Variants in LY75 observed in about 807,000 individuals in gnomAD.
LY75 encodes the protein C-type lectin domain family 13 member B.
Under a neutral mutation model 231.7 loss-of-function variants are expected in LY75, and 185 were observed. That is an observed-to-expected ratio of 0.80 (90% CI 0.71 to 0.90). The LOEUF (loss-of-function observed/expected upper bound fraction) is 0.90. LY75 is among the 40% of genes least tolerant of loss of function. The pLI, the probability that LY75 is intolerant of heterozygous loss-of-function variation, is 0.00. For synonymous variants in LY75, 668 were observed against 689.0 expected, an observed-to-expected ratio of 0.97 and a Z score of 0.48; for missense variants, 1,947 against 2,050.2, an observed-to-expected ratio of 0.95 and a Z score of 0.97.
At chr2:159,817,984 G>C (rs1683174045) in intron 29 of LY75, among the ~76,000 whole-genome samples, 1 of 152,154 alleles carries the variant, frequency 6.6e-6, no homozygotes, top group Admixed American at 6.5e-5. Context: ...AGGAGGCAGA[G>C]GTTGCAGTGA....
chr2:159,841,024 T>G (rs2125847211), intron 24 of LY75, 69 bp from the exon 25 acceptor site: 1 of 1,575,440 alleles, frequency 6.3e-7, no homozygotes, highest in Middle Eastern at 2.1e-4. Flanking sequence ...GGGACATTTT[T>G]TTCACATTTC....
At chr2:159,827,944 C>G in intron 28 of LY75, among the ~76,000 whole-genome samples, 1 of 151,926 alleles carries the variant, frequency 6.6e-6, no homozygotes, top group East Asian at 1.9e-4. Flanking sequence ...ACATCACACA[C>G]TGGGCCTGTC....
intron 28 of LY75, among the ~76,000 whole-genome samples, chr2:159,830,648 G>A (rs1425262194): frequency 7.0e-6 from 1 of 143,276 alleles, no homozygotes; most frequent in African/African-American, 2.5e-5. Flanking sequence ...GGAGTGCAGT[G>A]GCACCATCTT....
In LY75 at chr2:159,835,596, C is replaced by T. The variant is rs374255543; in HGVS notation, c.3557G>A (p.Arg1186His). 120 of 1,613,480 alleles carry T rather than the reference C, an allele frequency of 7.4e-5. No individual in the cohort carries two copies. The highest frequency in any genetic ancestry group is 1.0e-4 in the Admixed American group (6 of 59,920). ...GAGTTGCCCATTAGTTTCAGCCCAG[C>T]GACTAAAATGAAGACGTTTCCCATC... ...WSDGKRLHFSRWAETNGQLED... is the reference protein window; with the variant it reads ...WSDGKRLHFSHWAETNGQLED... The change falls in exon 26 of 35, where the codon CGC (arginine) becomes CAC (histidine). Residue 1186 changes from arginine to histidine, a missense_variant. Transcript: ENST00000263636.
intron 28 of LY75, among the ~76,000 whole-genome samples, chr2:159,824,187 C>T (rs928552838): frequency 4.6e-5 from 7 of 152,146 alleles, no homozygotes; most frequent in African/African-American, 1.7e-4. Flanking sequence ...CATCAATGTG[C>T]TGTTCAGATG....
At chr2:159,854,778 T>C in intron 17 of LY75, 126 bp downstream of exon 17, 1 of 1,408,982 alleles carries the variant, frequency 7.1e-7, no homozygotes, top group Non-Finnish European at 9.7e-7. Context: ...CTCACCTTCC[T>C]TGCCTGGAGA....
intron 4 of LY75, among the ~76,000 whole-genome samples, chr2:159,887,566 C>CAAAAAAAA (rs369452762): frequency 1.4e-3 from 144 of 103,750 alleles, no homozygotes; most frequent in South Asian, 3.3e-3. Flanking sequence ...TCAACAACAA[C>CAAAAAAAA]AAAAAAAAAA....
intron 21 of LY75, 128 bp from the exon 22 acceptor site, chr2:159,850,595 G>C: frequency 3.5e-6 from 4 of 1,146,498 alleles, no homozygotes; most frequent in Non-Finnish European, 4.8e-6. Context: ...TTGCAATGTA[G>C]TACCATAAGA....
At chr2:159,840,325 C>G (rs565352593) in intron 25 of LY75, among the ~76,000 whole-genome samples, 1 of 152,072 alleles carries the variant, frequency 6.6e-6, no homozygotes, top group Non-Finnish European at 1.5e-5. Context: ...AATCCCAGCA[C>G]CTTTGGGAGG....
rs114712307 is a variant in LY75, at chr2:159,891,280, G to A, written c.638-903C>T. Reference sequence around the variant, plus strand: ...TTTAACAGACAGGAACAAAGACCTAGAGGTGACTGTGACAGAGCTATAATG... The same window carrying A: ...TTTAACAGACAGGAACAAAGACCTAAAGGTGACTGTGACAGAGCTATAATG... On this transcript the variant is annotated intron_variant, in intron 3 of 34. Transcript: ENST00000263636. 6.9e-3 allele frequency among the ~76,000 whole-genome samples: 1,044 copies of A among 152,312 alleles called. 9 individuals carry two copies. Among genetic ancestry groups the A allele is most frequent in the Non-Finnish European group, 0.012 (785 of 68,020 alleles).
At chr2:159,828,743 T>G (rs1683556816) in intron 28 of LY75, among the ~76,000 whole-genome samples, 1 of 152,224 alleles carries the variant, frequency 6.6e-6, no homozygotes. Context: ...TTGTTTTACC[T>G]AAATGTCCAT....
rs546658912 is a variant in LY75, at chr2:159,855,020, C to T, written c.2384-81G>A. The T allele has an allele frequency of 1.1e-4, 178 of 1,562,048 alleles. 2 individuals carry two copies. In the East Asian group the frequency reaches 2.4e-3, roughly 21 times the overall value. On this transcript the variant is annotated intron_variant, in intron 16 of 34. Coordinates refer to ENST00000263636, the MANE Select transcript of LY75 (RefSeq NM_002349.4). ...TATAAGTACGGCCTTTAATGTAGCT[C>T]GAAAGGACTTGCAGTATTGTTGAGT...
At chr2:159,850,171 G>A in intron 22 of LY75, 31 bp from the exon 23 acceptor site, 1 of 1,581,012 alleles carries the variant, frequency 6.3e-7, no homozygotes, top group Non-Finnish European at 8.6e-7. Context: ...AAAAGCATTT[G>A]ATTTATTCAA....
At chr2:159,815,674 T>G (rs1683102903) in intron 30 of LY75, 101 bp from the exon 31 acceptor site, 10 of 1,392,498 alleles carry the variant, frequency 7.2e-6, no homozygotes, top group Non-Finnish European at 8.7e-6. Flanking sequence ...TAATGGAATA[T>G]TAATTATTTG....
intron 26 of LY75, 55 bp from the exon 27 acceptor site, chr2:159,834,266 T>C (rs1560072508): frequency 1.9e-6 from 3 of 1,601,186 alleles, no homozygotes; most frequent in Non-Finnish European, 2.6e-6. Flanking sequence ...TGTTAAATCC[T>C]GTTTGCAGTC....
In LY75 at chr2:159,805,052, G is replaced by C. The variant is rs1423430252; in HGVS notation, c.5161C>G (p.His1721Asp). ...NEDEIMLPSFHD is the reference protein window; with the variant it reads ...NEDEIMLPSFDD ...AAAACTTTTAGAAGAATTTAGTCATGGAAAGAAGGAAGCATAATCTCATCT... is the reference window on the plus strand; with the variant it reads ...AAAACTTTTAGAAGAATTTAGTCATCGAAAGAAGGAAGCATAATCTCATCT... The change falls in exon 35 of 35, where the codon CAT (histidine) becomes GAT (aspartate). Residue 1721 changes from histidine to aspartate, a missense_variant. Coordinates refer to ENST00000263636, the MANE Select transcript of LY75 (RefSeq NM_002349.4). 2 of 1,612,852 alleles carry C rather than the reference G, an allele frequency of 1.2e-6. No individual in the cohort carries two copies. Among genetic ancestry groups the C allele is most frequent in the Non-Finnish European group, 1.7e-6 (2 of 1,179,332 alleles).
intron 26 of LY75, among the ~76,000 whole-genome samples, chr2:159,835,269 A>T (rs563668465): frequency 5.9e-5 from 9 of 152,298 alleles, no homozygotes; most frequent in Middle Eastern, 3.4e-3. Flanking sequence ...CATAAAAATA[A>T]AACATGCCTA....
intron 16 of LY75, among the ~76,000 whole-genome samples, chr2:159,855,319 T>C (rs967473053): frequency 1.3e-5 from 2 of 152,184 alleles, no homozygotes; most frequent in African/African-American, 4.8e-5. Flanking sequence ...ATAACGGTCA[T>C]TGAAAAGGGA....
chr2:159,877,391 C>T (rs1685308546), intron 11 of LY75, among the ~76,000 whole-genome samples: 1 of 152,166 alleles, frequency 6.6e-6, no homozygotes, highest in African/African-American at 2.4e-5. Flanking sequence ...GCTTAAAAAT[C>T]AGGAACTCTG....
Sources: allele counts gnomAD v4.1 joint callset (sites outside exome capture counted in the v4.1 genomes callset), GRCh38; gene constraint gnomAD v4.1.1; transcripts MANE v1.5; gene names NCBI Gene and HGNC (gene_info 2026-07-23, HGNC 2026-07-21).